The following CELF4 variants were observed in gnomAD, a reference collection of about 807,000 sequenced individuals.
The protein encoded by CELF4 is CUG-BP- and ETR-3-like factor 4.
Under a neutral mutation model 59.9 loss-of-function variants are expected in CELF4, and 18 were observed. The observed-to-expected ratio is 0.30, with a 90% CI of 0.21 to 0.45. The LOEUF is 0.45. CELF4 is among the 20% of genes least tolerant of loss of function. The probability of loss-of-function intolerance (pLI) is 1.00; values close to 1 mark genes in which losing one functional copy is unlikely to be tolerated. For synonymous variants in CELF4, 261 were observed against 267.1 expected (o/e 0.98, Z 0.22); for missense variants, 456 against 689.0 (o/e 0.66, Z 3.79).
At chr18:37,341,166 C>A (rs2098010734) in intron 2 of CELF4, among the ~76,000 whole-genome samples, 1 of 152,206 alleles carries the variant, frequency 6.6e-6, no homozygotes, top group Non-Finnish European at 1.5e-5. Flanking sequence ...GAAATGGATT[C>A]ATCATGGTTT....
intron 5 of CELF4, 137 bp downstream of exon 5, chr18:37,274,668 C>A: frequency 6.8e-7 from 1 of 1,480,108 alleles, no homozygotes; most frequent in Non-Finnish European, 8.9e-7. Context: ...TGGGCTTCCG[C>A]GTCCTTGTCT....
chr18:37,426,543 A>C (rs906689921), intron 2 of CELF4, among the ~76,000 whole-genome samples: 3 of 152,218 alleles, frequency 2.0e-5, no homozygotes, highest in Admixed American at 6.5e-5. Flanking sequence ...CACAAAGCCA[A>C]TAATAAACCT....
intron 1 of CELF4, among the ~76,000 whole-genome samples, chr18:37,510,489 GTTTCCCTCACTTCTA>G (rs1335852691): frequency 6.6e-6 from 1 of 152,210 alleles, no homozygotes; most frequent in Non-Finnish European, 1.5e-5. Flanking sequence ...AGCCACAGAG[GTTTCCCTCACTTCTA>G]GAGGCAACCC....
rs1436247276 is a variant in CELF4 at position 37,310,058 on chromosome 18, CCT to C, written c.448+11743_448+11744del. Among the ~76,000 whole-genome samples the C allele has an allele frequency of 5.9e-5, 9 of 151,914 alleles. No homozygotes were observed. In the East Asian group the frequency reaches 1.7e-3, roughly 29 times the overall value. ...CCAGAGGTCATCACCCCTGCCACCT[CCT>C]CTCTTTTCCCATGGACTGGACTATA... On this transcript the variant is annotated intron_variant, in intron 3 of 12. Transcript: ENST00000420428.
intron 1 of CELF4, among the ~76,000 whole-genome samples, chr18:37,551,741 A>G (rs2099983241): frequency 6.6e-6 from 1 of 152,182 alleles, no homozygotes; most frequent in Admixed American, 6.5e-5. Context: ...GTGGGCTGCA[A>G]TTGGGACAGC....
At chr18:37,495,565 G>C (rs2099924242) in intron 1 of CELF4, among the ~76,000 whole-genome samples, 1 of 152,118 alleles carries the variant, frequency 6.6e-6, no homozygotes, top group South Asian at 2.1e-4. Flanking sequence ...TCATTTGCTT[G>C]GTTGTGTGTG....
intron 3 of CELF4, among the ~76,000 whole-genome samples, chr18:37,319,517 A>C (rs2097009544): frequency 6.6e-6 from 1 of 152,184 alleles, no homozygotes; most frequent in Admixed American, 6.5e-5. Context: ...TGAGTCCTAG[A>C]GGCCTTGTGC....
At chr18:37,543,654 C>G (rs991014027) in intron 1 of CELF4, among the ~76,000 whole-genome samples, 1 of 152,234 alleles carries the variant, frequency 6.6e-6, no homozygotes, top group African/African-American at 2.4e-5. Flanking sequence ...TGACCAAAAC[C>G]TTCACAGTCA....
At chr18:37,347,725 C>T (rs2098315231) in intron 2 of CELF4, among the ~76,000 whole-genome samples, 1 of 152,054 alleles carries the variant, frequency 6.6e-6, no homozygotes, top group Admixed American at 6.5e-5. Flanking sequence ...TCCAGGGTAC[C>T]CAAGGACTTG....
intron 2 of CELF4, among the ~76,000 whole-genome samples, chr18:37,338,938 A>G (rs2154546115): frequency 6.6e-6 from 1 of 152,022 alleles, no homozygotes; most frequent in Non-Finnish European, 1.5e-5. Context: ...CTGAACCCCC[A>G]CTGCCCCAAG....
chr18:37,514,420 T>C (rs1224480721), intron 1 of CELF4, among the ~76,000 whole-genome samples: 1 of 152,200 alleles, frequency 6.6e-6, no homozygotes, highest in South Asian at 2.1e-4. Flanking sequence ...CAAACACTTA[T>C]TGAACACTTA....
At chr18:37,392,255 G>T (rs778593205) in intron 2 of CELF4, among the ~76,000 whole-genome samples, 4 of 152,214 alleles carry the variant, frequency 2.6e-5, no homozygotes, top group Non-Finnish European at 5.9e-5. Flanking sequence ...AGACCTAGTT[G>T]CACCCCAGGG....
chr18:37,530,347 A>G (rs1360354507), intron 1 of CELF4, among the ~76,000 whole-genome samples: 2 of 152,266 alleles, frequency 1.3e-5, no homozygotes, highest in African/African-American at 2.4e-5. Flanking sequence ...TGGCTTCAGC[A>G]GTCAGAGTAG....
chr18:37,495,214 G>A (rs541317116), intron 1 of CELF4, among the ~76,000 whole-genome samples: 1 of 152,258 alleles, frequency 6.6e-6, no homozygotes, highest in Non-Finnish European at 1.5e-5. Context: ...CAAGTCAGTG[G>A]GGACGGCCCA....
chr18:37,366,105 T>A (rs1337252413), intron 2 of CELF4, among the ~76,000 whole-genome samples: 1 of 152,172 alleles, frequency 6.6e-6, no homozygotes, highest in South Asian at 2.1e-4. Context: ...CTGGAGATGT[T>A]CACAAAGGAG....
chr18:37,527,233 T>C (rs1277874517), intron 1 of CELF4, among the ~76,000 whole-genome samples: 2 of 151,736 alleles, frequency 1.3e-5, no homozygotes, highest in African/African-American at 2.4e-5. Context: ...CTCCCTGATA[T>C]CAACTTAGCC....
At chr18:37,469,111 C>T (rs1320204404) in intron 2 of CELF4, among the ~76,000 whole-genome samples, 1 of 152,134 alleles carries the variant, frequency 6.6e-6, no homozygotes, top group African/African-American at 2.4e-5. Context: ...GAGGGAGGTA[C>T]CTGTTAACTG....
chr18:37,267,607 G>A (rs1292756007), intron 8 of CELF4, among the ~76,000 whole-genome samples: 1 of 152,190 alleles, frequency 6.6e-6, no homozygotes, highest in Non-Finnish European at 1.5e-5. Flanking sequence ...AACTATCTGG[G>A]CTTATCCGCC....
chr18:37,439,171 C>T (rs1394351475), intron 2 of CELF4, among the ~76,000 whole-genome samples: 2 of 152,146 alleles, frequency 1.3e-5, no homozygotes, highest in Admixed American at 6.5e-5. Context: ...TTGCAGCTGG[C>T]CAGAGGCAGG....
Sources: gnomAD v4.1 joint callset for allele counts (sites outside exome capture counted in the v4.1 genomes callset) on GRCh38, gnomAD v4.1.1 for gene constraint, MANE v1.5 for transcripts, NCBI Gene and HGNC (gene_info 2026-07-23, HGNC 2026-07-21) for gene names.